Variants in COL26A1 observed in about 807,000 individuals in gnomAD.
The protein encoded by COL26A1 is collagen type XXVI alpha 1 chain, also known as collagen alpha-1(XXVI) chain.
COL26A1 carries 41 observed loss-of-function variants against 59.3 expected under a neutral mutation model. The observed-to-expected ratio is 0.69, with a 90% CI of 0.54 to 0.90. The LOEUF (loss-of-function observed/expected upper bound fraction) is 0.90. Ranked by LOEUF, COL26A1 falls within the 40% of genes least tolerant of loss-of-function variation. The probability of loss-of-function intolerance (pLI) is 0.00; values close to 1 mark genes in which losing one functional copy is unlikely to be tolerated. For synonymous variants in COL26A1, 266 were observed against 256.0 expected (o/e 1.04, Z -0.37); for missense variants, 612 against 602.3 (o/e 1.02, Z -0.17).
At chr7:101,520,667 C>T (rs926348906) in intron 3 of COL26A1, among the ~76,000 whole-genome samples, 4 of 151,968 alleles carry the variant, frequency 2.6e-5, no homozygotes, top group Admixed American at 6.6e-5. Context: ...CACACACCCC[C>T]GTGTTCTTGC....
intron 1 of COL26A1, among the ~76,000 whole-genome samples, chr7:101,387,037 CTGCTT>C (rs928238129): frequency 2.6e-5 from 4 of 152,126 alleles, no homozygotes; most frequent in Non-Finnish European, 4.4e-5. Context: ...GGAAACGCGC[CTGCTT>C]TGCTGACAGC....
intron 3 of COL26A1, among the ~76,000 whole-genome samples, chr7:101,525,380 A>G (rs1295189535): frequency 6.6e-6 from 1 of 151,414 alleles, no homozygotes; most frequent in African/African-American, 2.4e-5. Context: ...ACGGGGTTTC[A>G]CTGTGTTAGC....
At chr7:101,445,753 A>G (rs1373265278) in intron 2 of COL26A1, among the ~76,000 whole-genome samples, 18 of 137,296 alleles carry the variant, frequency 1.3e-4, no homozygotes, top group Non-Finnish European at 1.9e-4. Context: ...AAAAAAAAAA[A>G]AGAGAGTGAG....
At chr7:101,438,463 T>C (rs1432250946) in intron 2 of COL26A1, among the ~76,000 whole-genome samples, 4 of 151,408 alleles carry the variant, frequency 2.6e-5, no homozygotes, top group Non-Finnish European at 4.4e-5. Context: ...AGATGGGGTA[T>C]ATGCAGTCAA....
At chr7:101,554,865 A>G (rs1299016373) in intron 11 of COL26A1, among the ~76,000 whole-genome samples, 1 of 152,054 alleles carries the variant, frequency 6.6e-6, no homozygotes, top group Non-Finnish European at 1.5e-5. Flanking sequence ...GGGACACGAC[A>G]CTGACATCCC....
chr7:101,416,024 T>G (rs1024560257), intron 1 of COL26A1, among the ~76,000 whole-genome samples: 1 of 144,062 alleles, frequency 6.9e-6, no homozygotes, highest in Non-Finnish European at 1.6e-5. Flanking sequence ...TTTTTTGATG[T>G]AAGATTATAC....
chr7:101,394,092 A>T (rs1016213613), intron 1 of COL26A1, among the ~76,000 whole-genome samples: 3 of 151,784 alleles, frequency 2.0e-5, no homozygotes, highest in Non-Finnish European at 2.9e-5. Context: ...ACCAATGCTT[A>T]TTGAGCACCT....
At chr7:101,430,250 G>A (rs1792747517) in intron 2 of COL26A1, among the ~76,000 whole-genome samples, 1 of 151,956 alleles carries the variant, frequency 6.6e-6, no homozygotes, top group African/African-American at 2.4e-5. Context: ...GGTAAAATTT[G>A]TAAAGCTGTA....
rs913737042 is a variant in COL26A1, at chr7:101,472,627, C to T, written c.385+24840C>T. On this transcript the variant is annotated intron_variant, in intron 3 of 12. Transcript: ENST00000313669. The stretch of plus-strand genomic sequence containing the variant: ...CATGTAGCTCAGGTCATGCACATTG[C>T]GCCTCGGGAAAATGCCTCCCAGGAG... Among the ~76,000 whole-genome samples the T allele has an allele frequency of 5.9e-5, 9 of 152,264 alleles. 1 individual carries two copies. In the South Asian group the frequency reaches 8.3e-4, roughly 14 times the overall value.
At chr7:101,434,556 C>G (rs1792869101) in intron 2 of COL26A1, among the ~76,000 whole-genome samples, 2 of 113,280 alleles carry the variant, frequency 1.8e-5, no homozygotes, top group African/African-American at 8.2e-5. Context: ...GCCACTGCGC[C>G]TGGCCTGATT....
intron 1 of COL26A1, among the ~76,000 whole-genome samples, chr7:101,363,622 CTGCGGGGT>C (rs199733559): frequency 0.037 from 5,222 of 139,776 alleles, 242 homozygotes; most frequent in African/African-American, 0.11. Context: ...GGCTGCGGGG[CTGCGGGGT>C]TGCGGGGGCT....
chr7:101,543,507 C>T (rs76983442), intron 5 of COL26A1, among the ~76,000 whole-genome samples: 3 of 152,060 alleles, frequency 2.0e-5, no homozygotes, highest in Non-Finnish European at 2.9e-5. Context: ...ACACAGCAAG[C>T]CTTACCTCTC....
chr7:101,399,053 C>G (rs1281258594), intron 1 of COL26A1, among the ~76,000 whole-genome samples: 1 of 152,082 alleles, frequency 6.6e-6, no homozygotes, highest in Admixed American at 6.6e-5. Context: ...ACCTGTAATC[C>G]CAGCACTTAG....
At chr7:101,411,076 C>T (rs1792231486) in intron 1 of COL26A1, among the ~76,000 whole-genome samples, 1 of 152,132 alleles carries the variant, frequency 6.6e-6, no homozygotes, top group Non-Finnish European at 1.5e-5. Context: ...TGGACACCCC[C>T]AACCTTGAGA....
At chr7:101,539,619 C>T (rs916664955) in intron 4 of COL26A1, among the ~76,000 whole-genome samples, 7 of 152,182 alleles carry the variant, frequency 4.6e-5, no homozygotes, top group African/African-American at 9.7e-5. Flanking sequence ...TGAGCCACCA[C>T]TCCCAGCCAG....
intron 1 of COL26A1, among the ~76,000 whole-genome samples, chr7:101,393,048 G>A (rs1437962821): frequency 6.7e-6 from 1 of 149,994 alleles, no homozygotes; most frequent in East Asian, 2.0e-4. Flanking sequence ...TATTGCCCAG[G>A]CTGGAGTGCA....
intron 3 of COL26A1, among the ~76,000 whole-genome samples, chr7:101,493,872 G>A (rs866209362): frequency 6.7e-6 from 1 of 150,272 alleles, no homozygotes; most frequent in Non-Finnish European, 1.5e-5. Context: ...GGTGGAGCTT[G>A]TAGTGAGCTG....
chr7:101,371,122 G>A (rs1052605017), intron 1 of COL26A1, among the ~76,000 whole-genome samples: 3 of 152,216 alleles, frequency 2.0e-5, no homozygotes, highest in Non-Finnish European at 4.4e-5. Context: ...AGCCGCTCCA[G>A]GTCAGGCATT....
chr7:101,529,046 G>T (rs59650054), intron 3 of COL26A1, among the ~76,000 whole-genome samples: 1 of 151,858 alleles, frequency 6.6e-6, no homozygotes, highest in Admixed American at 6.6e-5. Flanking sequence ...CGTGACTGTA[G>T]TCCCAGCTAC....
Sources: allele counts gnomAD v4.1 joint callset (sites outside exome capture counted in the v4.1 genomes callset), GRCh38; gene constraint gnomAD v4.1.1; transcripts MANE v1.5; gene names NCBI Gene and HGNC (gene_info 2026-07-23, HGNC 2026-07-21).